PLCG2: variants seen among roughly 807,000 people sequenced by gnomAD.
The protein encoded by PLCG2 is phospholipase C gamma 2.
In PLCG2, 69 loss-of-function variants were observed where a neutral mutation model predicts 175.6. That is an observed-to-expected ratio of 0.39 (90% CI 0.32 to 0.48). The LOEUF (loss-of-function observed/expected upper bound fraction) is 0.48, where lower values mean the gene tolerates loss of function less well. Among genes scored for constraint, PLCG2 ranks in the 20% least tolerant of loss-of-function variants. The pLI is 0.91. For missense variants in PLCG2, 1,798 were observed against 1,650.9 expected, an observed-to-expected ratio of 1.09 and a Z score of -1.54; for synonymous variants, 827 against 624.0, an observed-to-expected ratio of 1.33 and a Z score of -4.85.
chr16:81,929,894 C>T lies in PLCG2; in HGVS notation c.2581+1270C>T, dbSNP rs113073324. Among the ~76,000 whole-genome samples the T allele has an allele frequency of 7.5e-3, 1,147 of 152,356 alleles. 6 individuals carry two copies. The highest frequency in any genetic ancestry group is 0.042 in the South Asian group (202 of 4,824). ...CTGGTGCTCTTTGTATCATCTTCCC[C>T]CATCCCTGTATCTGCAGAGCAGAGG... On this transcript the variant is annotated intron_variant, in intron 24 of 32. Coordinates refer to ENST00000564138, the MANE Select transcript of PLCG2 (RefSeq NM_002661.5).
At chr16:81,795,052 C>G (rs1363929703) in intron 2 of PLCG2, among the ~76,000 whole-genome samples, 3 of 152,164 alleles carry the variant, frequency 2.0e-5, no homozygotes, top group Non-Finnish European at 4.4e-5. Context: ...GAATTTGTTC[C>G]TTTGTTGATT....
chr16:81,887,677 C>T (rs1908438229), intron 9 of PLCG2, among the ~76,000 whole-genome samples: 1 of 152,180 alleles, frequency 6.6e-6, no homozygotes, highest in East Asian at 1.9e-4. Context: ...CAGCCCTTCC[C>T]ATCTAAGCAC....
At chr16:81,941,564 T>A (rs1444720890) in intron 30 of PLCG2, among the ~76,000 whole-genome samples, 3 of 83,974 alleles carry the variant, frequency 3.6e-5, no homozygotes, top group African/African-American at 2.3e-4. Context: ...AAGTTTCTGA[T>A]TTTTTTTTTT....
intron 31 of PLCG2, among the ~76,000 whole-genome samples, chr16:81,955,092 C>G (rs1911515539): frequency 6.6e-6 from 1 of 152,242 alleles, no homozygotes; most frequent in Non-Finnish European, 1.5e-5. Context: ...CAATGCCTCA[C>G]TTGATACATT....
intron 27 of PLCG2, among the ~76,000 whole-genome samples, chr16:81,936,884 A>G (rs1338891362): frequency 6.6e-6 from 1 of 152,174 alleles, no homozygotes; most frequent in Non-Finnish European, 1.5e-5. Flanking sequence ...CATTCTTTTT[A>G]TAGCCACATC....
intron 2 of PLCG2, among the ~76,000 whole-genome samples, chr16:81,839,495 A>G (rs1905708433): frequency 6.6e-6 from 1 of 152,164 alleles, no homozygotes; most frequent in African/African-American, 2.4e-5. Flanking sequence ...CCCTTCCTTT[A>G]TTGCCTTAAT....
rs375258389 is a variant in PLCG2, at chr16:81,808,040, T to C, written c.193+21858T>C. Among the ~76,000 whole-genome samples, 6 of 152,240 alleles carry C rather than the reference T, an allele frequency of 3.9e-5. No individual in the cohort carries two copies. The East Asian group carries it at 7.7e-4, about 20-fold the overall frequency. ...AACATGAGACTGCTGCGGAGACAGA[T>C]ATGCAAACAATATTAGGTTGTTTCT... On this transcript the variant is annotated intron_variant, in intron 2 of 32. Transcript: ENST00000564138.
At chr16:81,853,504 GT>G (rs1906525764) in intron 2 of PLCG2, among the ~76,000 whole-genome samples, 1 of 152,146 alleles carries the variant, frequency 6.6e-6, no homozygotes, top group Non-Finnish European at 1.5e-5. Flanking sequence ...GGATAAAACT[GT>G]TCTACTTCAG....
At position 81,880,903 on chromosome 16, in the gene PLCG2, A is replaced by G. The variant is rs2143567985; in HGVS notation, c.649-7A>G. The G allele has an allele frequency of 1.9e-6, 3 of 1,613,920 alleles. No homozygotes were observed. The highest frequency in any genetic ancestry group is 2.5e-6 in the Non-Finnish European group (3 of 1,179,832). Reference sequence around the variant, plus strand: ...GTTCTTTTTTTTGTGTGTGCTTTCCATTTCAGATTCTCGATGAATTCAAAA... The same window carrying G: ...GTTCTTTTTTTTGTGTGTGCTTTCCGTTTCAGATTCTCGATGAATTCAAAA... On this transcript the variant is annotated splice_polypyrimidine_tract_variant and splice_region_variant and intron_variant, in intron 7 of 32. Coordinates refer to ENST00000564138, the MANE Select transcript of PLCG2 (RefSeq NM_002661.5).
intron 2 of PLCG2, among the ~76,000 whole-genome samples, chr16:81,812,717 C>G (rs9708339): frequency 1 from 151,564 of 152,288 alleles, 75,423 homozygotes; most frequent in East Asian, 1. Flanking sequence ...TTTGCCATTG[C>G]TTTTGGTGTT....
At chr16:81,778,077 C>A (rs1419024891), upstream of PLCG2, among the ~76,000 whole-genome samples, 978 of 94,290 alleles carry the variant, frequency 0.01, 37 homozygotes, top group African/African-American at 0.035. Context: ...AAAACACACA[C>A]ACACAAAAAA....
intron 25 of PLCG2, among the ~76,000 whole-genome samples, 169 bp from the exon 26 acceptor site, chr16:81,934,260 G>A (rs781051142): frequency 1.7e-4 from 26 of 152,118 alleles, no homozygotes; most frequent in Non-Finnish European, 3.5e-4. Context: ...ACAGTGAGAG[G>A]AAGAAACGAG....
chr16:81,850,949 A>G (rs528197831), intron 2 of PLCG2, among the ~76,000 whole-genome samples: 3 of 152,256 alleles, frequency 2.0e-5, no homozygotes, highest in Admixed American at 6.5e-5. Context: ...ATCAGTGGGA[A>G]TGGCCCTTTG....
chr16:81,756,544 A>G (rs1019579135), intron 2 of PLCG2, among the ~76,000 whole-genome samples: 1 of 152,192 alleles, frequency 6.6e-6, no homozygotes, highest in African/African-American at 2.4e-5. Context: ...ACCAGAGCTT[A>G]TGAAGGTGAC....
At chr16:81,895,003 C>G (rs750164571) in intron 12 of PLCG2, among the ~76,000 whole-genome samples, 1 of 152,148 alleles carries the variant, frequency 6.6e-6, no homozygotes, top group Non-Finnish European at 1.5e-5. Flanking sequence ...GACTTTCTTC[C>G]CGTTTATGAT....
At chr16:81,788,816 C>T (rs543522084) in intron 2 of PLCG2, among the ~76,000 whole-genome samples, 1 of 152,366 alleles carries the variant, frequency 6.6e-6, no homozygotes, top group Admixed American at 6.5e-5. Context: ...GCCATCTTCC[C>T]TCTTGACTGT....
chr16:81,952,329 A>G (rs774011037), intron 31 of PLCG2, among the ~76,000 whole-genome samples: 2 of 152,182 alleles, frequency 1.3e-5, no homozygotes, highest in Non-Finnish European at 2.9e-5. Context: ...AAATACATAC[A>G]TATCCTAGCT....
At chr16:81,950,875 C>CTT (rs1350865297) in intron 31 of PLCG2, among the ~76,000 whole-genome samples, 1 of 152,126 alleles carries the variant, frequency 6.6e-6, no homozygotes, top group African/African-American at 2.4e-5. Flanking sequence ...ATCTTCAGAA[C>CTT]TTTTAAAACA....
chr16:81,844,201 G>A (rs1012485807), intron 2 of PLCG2, among the ~76,000 whole-genome samples: 1 of 139,584 alleles, frequency 7.2e-6, no homozygotes, highest in African/African-American at 2.7e-5. Context: ...TCACGTGTTA[G>A]CCAGGATGGT....
Sources: allele counts gnomAD v4.1 joint callset (sites outside exome capture counted in the v4.1 genomes callset), GRCh38; gene constraint gnomAD v4.1.1; transcripts MANE v1.5; gene names NCBI Gene and HGNC (gene_info 2026-07-23, HGNC 2026-07-21).